The following MAGI1 variants were observed in gnomAD, a reference collection of about 807,000 sequenced individuals.
The protein encoded by MAGI1 is membrane-associated guanylate kinase, WW and PDZ domain-containing protein 1.
Under a neutral mutation model 139.9 loss-of-function variants are expected in MAGI1, and 58 were observed. The ratio of observed to expected loss-of-function variants is 0.41; its 90% CI spans 0.34 to 0.52. The LOEUF (loss-of-function observed/expected upper bound fraction) is 0.52. Among genes scored for constraint, MAGI1 ranks in the 20% least tolerant of loss-of-function variants. MAGI1 has a pLI of 0.12. For missense variants in MAGI1, 1,874 were observed against 1,901.6 expected (o/e 0.99, Z 0.27); for synonymous variants, 812 against 737.9 (o/e 1.10, Z -1.63).
chr3:65,420,567 T>C (rs1273543360), intron 12 of MAGI1, among the ~76,000 whole-genome samples: 1 of 152,198 alleles, frequency 6.6e-6, no homozygotes, highest in Admixed American at 6.5e-5. Flanking sequence ...CGCTGCTCTA[T>C]TCCCAGTGCC....
intron 1 of MAGI1, among the ~76,000 whole-genome samples, chr3:65,792,315 A>G (rs918150335): frequency 6.6e-6 from 1 of 151,942 alleles, no homozygotes; most frequent in African/African-American, 2.4e-5. Flanking sequence ...AAATACAAAA[A>G]TTAGCCGGGT....
At chr3:65,512,880 T>C (rs1330740894) in intron 2 of MAGI1, among the ~76,000 whole-genome samples, 1 of 151,504 alleles carries the variant, frequency 6.6e-6, no homozygotes, top group East Asian at 1.9e-4. Flanking sequence ...CCAATATCCT[T>C]GATGAACATT....
At chr3:65,947,014 A>C (rs1424915203) in intron 1 of MAGI1, among the ~76,000 whole-genome samples, 2 of 152,216 alleles carry the variant, frequency 1.3e-5, no homozygotes, top group Non-Finnish European at 2.9e-5. Context: ...ATTTCAATTT[A>C]CAGCTAAATG....
intron 12 of MAGI1, among the ~76,000 whole-genome samples, chr3:65,409,206 C>A (rs1945587122): frequency 6.6e-6 from 1 of 152,178 alleles, no homozygotes; most frequent in Non-Finnish European, 1.5e-5. Context: ...ATGGCCCCTG[C>A]CCTGGAGGAG....
intron 2 of MAGI1, among the ~76,000 whole-genome samples, chr3:65,588,309 T>C (rs2081792870): frequency 6.6e-6 from 1 of 152,154 alleles, no homozygotes; most frequent in South Asian, 2.1e-4. Context: ...GGGTGAAGCA[T>C]TCCTCCCTAA....
intron 2 of MAGI1, among the ~76,000 whole-genome samples, chr3:65,505,136 T>C (rs1222896985): frequency 3.3e-5 from 5 of 152,180 alleles, no homozygotes; most frequent in African/African-American, 4.8e-5. Flanking sequence ...TGAGAGCAGA[T>C]AGACTCTCTC....
intron 12 of MAGI1, among the ~76,000 whole-genome samples, chr3:65,405,630 T>C (rs1201070342): frequency 1.3e-5 from 2 of 152,052 alleles, no homozygotes; most frequent in Admixed American, 1.3e-4. Flanking sequence ...AGTCTCCTTC[T>C]GTTGCCCAGG....
chr3:65,524,557 G>T (rs1576180123), intron 2 of MAGI1, among the ~76,000 whole-genome samples: 1 of 152,158 alleles, frequency 6.6e-6, no homozygotes, highest in East Asian at 1.9e-4. Flanking sequence ...ATTCCACAGT[G>T]GACCATGCTC....
At chr3:65,800,050 T>C (rs1405342293) in intron 1 of MAGI1, among the ~76,000 whole-genome samples, 1 of 152,244 alleles carries the variant, frequency 6.6e-6, no homozygotes, top group African/African-American at 2.4e-5. Flanking sequence ...TACCACTTAC[T>C]TTGCTGAATG....
At chr3:65,441,548 A>G (rs1948328215) in intron 8 of MAGI1, among the ~76,000 whole-genome samples, 1 of 152,174 alleles carries the variant, frequency 6.6e-6, no homozygotes, top group Non-Finnish European at 1.5e-5. Flanking sequence ...CCCTCAAACT[A>G]GTGTCTTCAC....
chr3:65,701,494 C>T (rs942673204), intron 1 of MAGI1, among the ~76,000 whole-genome samples: 3 of 152,196 alleles, frequency 2.0e-5, no homozygotes, highest in Admixed American at 6.5e-5. Context: ...CTCAAGTGAT[C>T]CGCCTGCCTC....
intron 1 of MAGI1, among the ~76,000 whole-genome samples, chr3:65,794,318 A>G (rs946968287): frequency 7.2e-5 from 11 of 152,138 alleles, no homozygotes; most frequent in Non-Finnish European, 1.2e-4. Flanking sequence ...TACATAAGGA[A>G]CTCTCAAAAC....
At chr3:65,867,221 A>T (rs554781127) in intron 1 of MAGI1, among the ~76,000 whole-genome samples, 1 of 152,166 alleles carries the variant, frequency 6.6e-6, no homozygotes. Context: ...AACCACCAGC[A>T]TCCACTGGCC....
intron 2 of MAGI1, among the ~76,000 whole-genome samples, chr3:65,589,705 T>TAA (rs1007147365): frequency 6.7e-6 from 1 of 150,368 alleles, no homozygotes; most frequent in Non-Finnish European, 1.5e-5. Context: ...AAAGCAGCCA[T>TAA]AAAAAAAAAT....
At chr3:65,547,205 C>T (rs942744247) in intron 2 of MAGI1, among the ~76,000 whole-genome samples, 1 of 152,186 alleles carries the variant, frequency 6.6e-6, no homozygotes, top group African/African-American at 2.4e-5. Flanking sequence ...TGCAAAATAA[C>T]TCAATGTAAG....
At chr3:65,711,522 G>C (rs1157036422) in intron 1 of MAGI1, among the ~76,000 whole-genome samples, 2 of 152,114 alleles carry the variant, frequency 1.3e-5, no homozygotes, top group Non-Finnish European at 2.9e-5. Flanking sequence ...TATGAGCTTA[G>C]TTTTGTCCCC....
At chr3:65,632,001 G>T (rs1287111724) in intron 1 of MAGI1, among the ~76,000 whole-genome samples, 1 of 150,670 alleles carries the variant, frequency 6.6e-6, no homozygotes. Context: ...CTCCAGCCGG[G>T]GCAACAGAAT....
At chr3:65,661,742 T>TC (rs1402363162) in intron 1 of MAGI1, among the ~76,000 whole-genome samples, 1 of 131,496 alleles carries the variant, frequency 7.6e-6, no homozygotes, top group East Asian at 2.6e-4. Flanking sequence ...TTTGTTTTTT[T>TC]CTGTTTTTTT....
chr3:65,614,698 T>C (rs2083281929), intron 2 of MAGI1, among the ~76,000 whole-genome samples: 1 of 152,036 alleles, frequency 6.6e-6, no homozygotes. Flanking sequence ...AACCAAACAA[T>C]ATTTGTAAAG....
Sources: allele counts gnomAD v4.1 joint callset (sites outside exome capture counted in the v4.1 genomes callset), GRCh38; gene constraint gnomAD v4.1.1; transcripts MANE v1.5; gene names NCBI Gene and HGNC (gene_info 2026-07-23, HGNC 2026-07-21).